The following CEP83 variants were observed in gnomAD, a reference collection of about 807,000 sequenced individuals.
CEP83 encodes the protein centrosomal protein 83, also known as centrosomal protein of 83 kDa.
A neutral mutation model predicts 101.9 loss-of-function variants in CEP83; 70 were observed. The ratio of observed to expected loss-of-function variants is 0.69; its 90% confidence interval spans 0.57 to 0.84. The LOEUF is 0.84. CEP83 is among the 40% of genes least tolerant of loss of function. The probability of loss-of-function intolerance (pLI) is 0.00; values close to 1 mark genes in which losing one functional copy is unlikely to be tolerated. For missense variants in CEP83, 715 were observed against 787.2 expected, an observed-to-expected ratio of 0.91 and a Z score of 1.10; for synonymous variants, 264 against 267.9, an observed-to-expected ratio of 0.99 and a Z score of 0.14.
Position 94,422,213 on chromosome 12 carries a change from G to A in CEP83, c.-101-9622C>T, listed in dbSNP as rs184561329. 6.0e-3 allele frequency among the ~76,000 whole-genome samples: 910 copies of A among 152,262 alleles called. 3 individuals carry two copies. Among genetic ancestry groups the A allele is most frequent in the Non-Finnish European group, 1.0e-2 (680 of 68,028 alleles). Reference sequence around the variant, plus strand: ...GGACAAGAACAGAATGTGAAGTCCCGTTCCAGCCAATGGAAACTGGACACA... The same window carrying A: ...GGACAAGAACAGAATGTGAAGTCCCATTCCAGCCAATGGAAACTGGACACA... On this transcript the variant is annotated intron_variant, in intron 2 of 16. Transcript: ENST00000397809.
the CEP83 span, among the ~76,000 whole-genome samples, chr12:94,300,602 AAACT>A: frequency 1.3e-5 from 2 of 152,140 alleles, no homozygotes; most frequent in South Asian, 4.1e-4. Flanking sequence ...ATGTGAGAAC[AAACT>A]GTCAGGAGAT....
At chr12:94,395,049 G>A (rs1011723300) in intron 6 of CEP83, among the ~76,000 whole-genome samples, 1 of 152,250 alleles carries the variant, frequency 6.6e-6, no homozygotes, top group African/African-American at 2.4e-5. Flanking sequence ...CAACCACTGT[G>A]GAAGACAGTG....
intron 2 of CEP83, among the ~76,000 whole-genome samples, chr12:94,420,524 C>T (rs1332003482): frequency 6.6e-6 from 1 of 152,140 alleles, no homozygotes; most frequent in East Asian, 1.9e-4. Context: ...GAACGCAGCC[C>T]AATACAAATT....
At position 94,369,989 on chromosome 12, in the gene CEP83, T is replaced by G. The variant is rs2061221362; in HGVS notation, c.981A>C (p.Lys327Asn). 1 of 1,611,168 alleles carries G rather than the reference T, an allele frequency of 6.2e-7. No homozygotes were observed. Among genetic ancestry groups the G allele is most frequent in the Non-Finnish European group, 8.5e-7 (1 of 1,177,826 alleles). Residue 327 changes from lysine to asparagine, a missense_variant, in exon 9 of 17, where the codon AAA (lysine) becomes AAC (asparagine). Coordinates refer to ENST00000397809, the MANE Select transcript of CEP83 (RefSeq NM_016122.3). ...CACTCTTAGCTCTTGCTGTCTCCAG[T>G]TTGATGTCTGTTATTTCCAGTTTGT... ...HSNKLEITDI[K>N]LETARAKSEL...
At chr12:94,430,734 G>C (rs1004972512) in intron 2 of CEP83, among the ~76,000 whole-genome samples, 1 of 152,172 alleles carries the variant, frequency 6.6e-6, no homozygotes, top group African/African-American at 2.4e-5. Context: ...CCGAAGTCTA[G>C]CAAGGGATTT....
chr12:94,396,202 T>C (rs1450323881), intron 6 of CEP83, among the ~76,000 whole-genome samples: 1 of 151,708 alleles, frequency 6.6e-6, no homozygotes, highest in East Asian at 1.9e-4. Flanking sequence ...GAATAATGAC[T>C]ATATATGCAA....
intron 1 of CEP83, among the ~76,000 whole-genome samples, chr12:94,453,340 C>G (rs2067399482): frequency 1.3e-5 from 2 of 152,276 alleles, no homozygotes; most frequent in African/African-American, 4.8e-5. Context: ...TTCCTCCGGG[C>G]CAAGTTGAAT....
chr12:94,386,455 T>A (rs2062154759), intron 6 of CEP83, among the ~76,000 whole-genome samples: 1 of 152,206 alleles, frequency 6.6e-6, no homozygotes, highest in South Asian at 2.1e-4. Context: ...GCTTTTCAAA[T>A]TCTAGTTTCC....
chr12:94,413,825 TACACACACACACACACACACACAC>T (rs56372938), intron 2 of CEP83, among the ~76,000 whole-genome samples: 2 of 140,392 alleles, frequency 1.4e-5, no homozygotes, highest in Non-Finnish European at 3.1e-5. Flanking sequence ...CCATAATACA[TACACACACACACACACACACACAC>T]ACACACACAC....
At chr12:94,284,052 C>T in the CEP83 span, among the ~76,000 whole-genome samples, 1 of 147,824 alleles carries the variant, frequency 6.8e-6, no homozygotes, top group Admixed American at 6.8e-5. Flanking sequence ...CATGGCACTC[C>T]AGCCTGTGCG....
At chr12:94,343,079 G>C (rs1169540621) in intron 11 of CEP83, among the ~76,000 whole-genome samples, 2 of 151,682 alleles carry the variant, frequency 1.3e-5, no homozygotes, top group Non-Finnish European at 2.9e-5. Flanking sequence ...ACATATGTGT[G>C]TATGTATGTC....
chr12:94,280,090 G>T, the CEP83 span: 3 of 327,718 alleles, frequency 9.2e-6, no homozygotes, highest in Non-Finnish European at 1.8e-5. Flanking sequence ...ACTCTAGCCT[G>T]CTAGAAAGGT....
At chr12:94,302,669 T>C (rs1430611330), downstream of CEP83, among the ~76,000 whole-genome samples, 1 of 152,224 alleles carries the variant, frequency 6.6e-6, no homozygotes, top group Non-Finnish European at 1.5e-5. Flanking sequence ...AAATTGATGT[T>C]CTGGGAGGTT....
intron 9 of CEP83, chr12:94,368,644 G>T (rs2061140360): frequency 6.5e-6 from 1 of 153,116 alleles, no homozygotes; most frequent in African/African-American, 2.4e-5. Context: ...ATCTCTAGCA[G>T]AAGTATAAAT....
chr12:94,355,740 G>A lies in CEP83; in HGVS notation c.1343+12054C>T, dbSNP rs570996195. Among the ~76,000 whole-genome samples, 18 of 152,314 alleles carry A rather than the reference G, an allele frequency of 1.2e-4. No homozygotes were observed. The East Asian group carries it at 2.9e-3, about 25-fold the overall frequency. On this transcript the variant is annotated intron_variant, in intron 11 of 16. Coordinates refer to ENST00000397809, the MANE Select transcript of CEP83 (RefSeq NM_016122.3). ...AACGAGGGCAAGGAACACCTGGCCC[G>A]CCCAGGGTGGAAAACCGCTTAAAAG...
intron 11 of CEP83, among the ~76,000 whole-genome samples, chr12:94,351,817 A>T (rs775844578): frequency 5.3e-5 from 8 of 152,204 alleles, no homozygotes; most frequent in Non-Finnish European, 8.8e-5. Context: ...CCCAATGAGC[A>T]CCCAACACCC....
chr12:94,268,312 T>C, the CEP83 span, among the ~76,000 whole-genome samples: 2 of 152,272 alleles, frequency 1.3e-5, no homozygotes, highest in African/African-American at 4.8e-5. Flanking sequence ...TGGGAAGTAA[T>C]GTTCTCTTCT....
At chr12:94,378,481 C>T (rs930328332) in intron 7 of CEP83, among the ~76,000 whole-genome samples, 38 of 152,216 alleles carry the variant, frequency 2.5e-4, no homozygotes, top group African/African-American at 8.4e-4. Flanking sequence ...GATGACTTTA[C>T]GCTCAGAAAC....
intron 2 of CEP83, among the ~76,000 whole-genome samples, chr12:94,417,459 A>G (rs1357217852): frequency 6.6e-6 from 1 of 152,170 alleles, no homozygotes; most frequent in Non-Finnish European, 1.5e-5. Flanking sequence ...AGAATCCACA[A>G]TATTATAATA....
Sources: gnomAD v4.1 joint callset for allele counts (sites outside exome capture counted in the v4.1 genomes callset) on GRCh38, gnomAD v4.1.1 for gene constraint, MANE v1.5 for transcripts, NCBI Gene and HGNC (gene_info 2026-07-23, HGNC 2026-07-21) for gene names.